The following BRIP1 variants were observed in gnomAD, a reference collection of about 807,000 sequenced individuals.
BRIP1 encodes the protein BRCA1 interacting DNA helicase 1, also known as Fanconi anemia group J protein.
BRIP1 carries 88 observed loss-of-function variants against 119.7 expected under a neutral mutation model. The observed-to-expected ratio is 0.74, with a 90% CI of 0.62 to 0.88. BRIP1 has a LOEUF of 0.88. BRIP1 is among the 40% of genes least tolerant of loss of function. The pLI, the probability that BRIP1 is intolerant of heterozygous loss-of-function variation, is 0.00. For missense variants in BRIP1, 1,259 were observed against 1,455.4 expected, an observed-to-expected ratio of 0.87 and a Z score of 2.20; for synonymous variants, 443 against 496.5, an observed-to-expected ratio of 0.89 and a Z score of 1.43.
Position 61,684,273 on chromosome 17 carries a change from T to C in BRIP1, c.2906-133A>G. 1 of 1,001,786 alleles carries C rather than the reference T, an allele frequency of 1.0e-6. No homozygotes were observed. Among genetic ancestry groups the C allele is most frequent in the Non-Finnish European group, 1.4e-6 (1 of 699,074 alleles). 62.1% of individuals were successfully genotyped at this position (1,001,786 alleles called of 1,614,324 possible). A position where few individuals can be genotyped will look rare whatever the true frequency, so the allele number is the denominator to read the frequency against. On this transcript the variant is annotated intron_variant, in intron 19 of 19. Coordinates refer to ENST00000259008, the MANE Select transcript of BRIP1 (RefSeq NM_032043.3). This position sits in a 1 kb window ranked among gnomAD's most constrained non-coding sequence, Gnocchi z 4.5. ...ATAACTTAGAGCCCCCAACGAATACTAGTGGATTTTCATCTTGGAACAGAA... is the reference window on the plus strand; with the variant it reads ...ATAACTTAGAGCCCCCAACGAATACCAGTGGATTTTCATCTTGGAACAGAA...
chr17:61,712,457 A>G (rs28532895), intron 17 of BRIP1, among the ~76,000 whole-genome samples: 66,965 of 151,260 alleles, frequency 0.44, 15,507 homozygotes, highest in South Asian at 0.54. Flanking sequence ...CAGGTGATCC[A>G]CCCGCCTCCA....
In BRIP1 at chr17:61,774,437, G is replaced by T. The variant is rs2077503917; in HGVS notation, c.2097+1964C>A. Among the ~76,000 whole-genome samples the T allele has an allele frequency of 6.6e-6, 1 of 152,160 alleles. No individual in the cohort carries two copies. Among genetic ancestry groups the T allele is most frequent in the South Asian group, 2.1e-4 (1 of 4,834 alleles). ...ACATCACACACTGGGGCCTGTTCTG[G>T]GGTGGGGGCCTAGGGGAGGGATAGC... is the stretch of plus-strand genomic sequence containing the variant. On this transcript the variant is annotated intron_variant, in intron 14 of 19. Transcript: ENST00000259008. This position sits in a 1 kb window ranked among gnomAD's most constrained non-coding sequence, Gnocchi z 5.8.
chr17:61,761,659 C>A lies in BRIP1; in HGVS notation c.2097+14742G>T, dbSNP rs2077278516. Reference sequence around the variant, plus strand: ...AAAGAAATTAAGAGAACTCCTTTTACAATAGCTACCAAAAAGAGAGAGAAA... The same window carrying A: ...AAAGAAATTAAGAGAACTCCTTTTAAAATAGCTACCAAAAAGAGAGAGAAA... On this transcript the variant is annotated intron_variant, in intron 14 of 19. Coordinates refer to ENST00000259008, the MANE Select transcript of BRIP1 (RefSeq NM_032043.3). This position sits in a 1 kb window ranked among gnomAD's most constrained non-coding sequence, Gnocchi z 6.4. 6.6e-6 allele frequency among the ~76,000 whole-genome samples: 1 copy of A among 151,684 alleles called. No individual in the cohort carries two copies. The highest frequency in any genetic ancestry group is 6.6e-5 in the Admixed American group (1 of 15,180).
In BRIP1 at chr17:61,776,197, T is replaced by C; in HGVS notation, c.2097+204A>G. 2 of 599,586 alleles carry C rather than the reference T, an allele frequency of 3.3e-6. No individual in the cohort carries two copies. The highest frequency in any genetic ancestry group is 5.7e-6 in the Non-Finnish European group (2 of 353,282). 37.1% of individuals were successfully genotyped at this position (599,586 alleles called of 1,614,324 possible). On this transcript the variant is annotated intron_variant, in intron 14 of 19. Coordinates refer to ENST00000259008, the MANE Select transcript of BRIP1 (RefSeq NM_032043.3). The surrounding 1 kb of genome is among the most constrained non-coding windows in gnomAD (Gnocchi z 5.0). Reference sequence around the variant, plus strand: ...ACGTCCAGCCTTGCTCTTTCAGACTTTTAAGTAAAACAGAGGTAGGACAAT... The same window carrying C: ...ACGTCCAGCCTTGCTCTTTCAGACTCTTAAGTAAAACAGAGGTAGGACAAT...
rs769903933 is a variant in BRIP1, at chr17:61,810,451, A to T, written c.628-1694T>A. Among the ~76,000 whole-genome samples, 19 of 152,202 alleles carry T rather than the reference A, an allele frequency of 1.2e-4. No individual in the cohort carries two copies. The highest frequency in any genetic ancestry group is 1.9e-4 in the Non-Finnish European group (13 of 68,032). ...CATACAAAAAGAATTAAGGTAACTC[A>T]ATTAGAATTAATTTACTTTTTCATA... On this transcript the variant is annotated intron_variant, in intron 6 of 19. Transcript: ENST00000259008. The surrounding 1 kb of genome is among the most constrained non-coding windows in gnomAD (Gnocchi z 4.7).
chr17:61,715,578 G>A (rs2061847239), intron 17 of BRIP1, among the ~76,000 whole-genome samples: 1 of 152,088 alleles, frequency 6.6e-6, no homozygotes, highest in Non-Finnish European at 1.5e-5. Flanking sequence ...GACATTTTGG[G>A]GGAGGTGAGG....
At position 61,793,254 on chromosome 17, in the gene BRIP1, A is replaced by G. The variant is rs1457505949; in HGVS notation, c.1473+343T>C. ...GTTTATAATTTCTAAATTAAGATGAACAAAATAGGAATTTCTCCTCTTTTT... is the reference window on the plus strand; with the variant it reads ...GTTTATAATTTCTAAATTAAGATGAGCAAAATAGGAATTTCTCCTCTTTTT... On this transcript the variant is annotated intron_variant, in intron 10 of 19. Transcript: ENST00000259008. The surrounding 1 kb of genome is among the most constrained non-coding windows in gnomAD (Gnocchi z 5.2). Among the ~76,000 whole-genome samples the G allele has an allele frequency of 6.6e-6, 1 of 152,054 alleles. No individual in the cohort carries two copies. Among genetic ancestry groups the G allele is most frequent in the Non-Finnish European group, 1.5e-5 (1 of 67,988 alleles).
Position 61,827,622 on chromosome 17 carries a change from G to A in BRIP1, c.628-18865C>T, listed in dbSNP as rs1177917407. On this transcript the variant is annotated intron_variant, in intron 6 of 19. Coordinates refer to ENST00000259008, the MANE Select transcript of BRIP1 (RefSeq NM_032043.3). The surrounding 1 kb of genome is among the most constrained non-coding windows in gnomAD (Gnocchi z 5.8). ...CACACACCTGTAATCCCAGCTATTC[G>A]GGAGGCTGAGGTGGGAGGACTGCTT... is the stretch of plus-strand genomic sequence containing the variant. Among the ~76,000 whole-genome samples the A allele has an allele frequency of 2.0e-5, 3 of 152,058 alleles. No homozygotes were observed. The highest frequency in any genetic ancestry group is 1.3e-4 in the Admixed American group (2 of 15,266).
chr17:61,722,926 A>C lies in BRIP1; in HGVS notation c.2380-6863T>G, dbSNP rs1007661556. ...TTTATTTTAGATAAAAAGTTTAAAA[A>C]CCTACAAAAGAACAAAAAACTCCCA... On this transcript the variant is annotated intron_variant, in intron 16 of 19. Transcript: ENST00000259008. The surrounding 1 kb of genome is among the most constrained non-coding windows in gnomAD (Gnocchi z 4.6). 6.6e-6 allele frequency among the ~76,000 whole-genome samples: 1 copy of C among 152,196 alleles called. No homozygotes were observed. Among genetic ancestry groups the C allele is most frequent in the Admixed American group, 6.5e-5 (1 of 15,280 alleles).
rs1360062759 is a variant in BRIP1 at position 61,852,023 on chromosome 17, T to C, written c.380-2767A>G. ...AAGGGAGAGCTCCTACAACAAAGAG[T>C]TATCCCACTCAAAATGTTAATAGTG... On this transcript the variant is annotated intron_variant, in intron 4 of 19. Transcript: ENST00000259008. This position sits in a 1 kb window ranked among gnomAD's most constrained non-coding sequence, Gnocchi z 4.9. Among the ~76,000 whole-genome samples the C allele has an allele frequency of 1.3e-5, 2 of 151,982 alleles. 1 individual carries two copies. The highest frequency in any genetic ancestry group is 3.9e-4 in the East Asian group (2 of 5,172).
chr17:61,829,263 C>T (rs2078453938), intron 6 of BRIP1, among the ~76,000 whole-genome samples: 1 of 151,940 alleles, frequency 6.6e-6, no homozygotes, highest in South Asian at 2.1e-4. Flanking sequence ...ACTATGGAAA[C>T]ATTAATCCTA....
chr17:61,821,182 T>C (rs2078318254), intron 6 of BRIP1, among the ~76,000 whole-genome samples: 1 of 152,130 alleles, frequency 6.6e-6, no homozygotes, highest in Non-Finnish European at 1.5e-5. Flanking sequence ...AGTTACATCC[T>C]ATGCAAAGGA....
Position 61,849,240 on chromosome 17 carries a change from G to C in BRIP1, c.396C>G (p.Thr132=), listed in dbSNP as rs2145766215. The C allele has an allele frequency of 6.2e-7, 1 of 1,612,664 alleles. No homozygotes were observed. The highest frequency in any genetic ancestry group is 1.7e-5 in the Admixed American group (1 of 59,948). The change falls in exon 5 of 20, where the codon ACC becomes ACG. Residue 132 remains threonine (T), a synonymous_variant. Transcript: ENST00000259008. ...TAGCAGATAACTTTGCAGCCAGAGT[G>C]GTTTTTTCAGGGGAGTCTTATATAA... is the stretch of plus-strand genomic sequence containing the variant. ...SSTCQDSPEK[T]TLAAKLSAKK... is the part of the protein sequence containing the mutation.
At position 61,752,349 on chromosome 17, in the gene BRIP1, C is replaced by A. The variant is rs935339727; in HGVS notation, c.2098-7758G>T. Among the ~76,000 whole-genome samples, 4 of 151,938 alleles carry A rather than the reference C, an allele frequency of 2.6e-5. No individual in the cohort carries two copies. Among genetic ancestry groups the A allele is most frequent in the Admixed American group, 2.0e-4 (3 of 15,258 alleles). On this transcript the variant is annotated intron_variant, in intron 14 of 19. Transcript: ENST00000259008. The surrounding 1 kb of genome is among the most constrained non-coding windows in gnomAD (Gnocchi z 6.2). ...AAAGAGTTAAGAAAAAAAATGCAAACCTTGAGAATAAGATAAAAAAGAAAC... is the reference window on the plus strand; with the variant it reads ...AAAGAGTTAAGAAAAAAAATGCAAAACTTGAGAATAAGATAAAAAAGAAAC...
chr17:61,745,493 T>C lies in BRIP1; in HGVS notation c.2098-902A>G, dbSNP rs572601178. Among the ~76,000 whole-genome samples the C allele has an allele frequency of 1.7e-4, 26 of 152,224 alleles. No homozygotes were observed. The highest frequency in any genetic ancestry group is 5.8e-4 in the African/African-American group (24 of 41,570). On this transcript the variant is annotated intron_variant, in intron 14 of 19. Coordinates refer to ENST00000259008, the MANE Select transcript of BRIP1 (RefSeq NM_032043.3). The surrounding 1 kb of genome is among the most constrained non-coding windows in gnomAD (Gnocchi z 4.4). ...AGGCAATCCCTCCACCTTAGCCTCC[T>C]GAGTAGCTGGGACTACAGGTGCATG...
At position 61,680,368 on chromosome 17, in the gene BRIP1, ATATC is replaced by A. The variant is rs1289043792; in HGVS notation, c.*2924_*2927del. 7.3e-5 allele frequency among the ~76,000 whole-genome samples: 11 copies of A among 151,680 alleles called. No individual in the cohort carries two copies. The highest frequency in any genetic ancestry group is 2.4e-4 in the African/African-American group (10 of 41,312). ...CTGTCTAAAACAAACAAACAAAAAC[ATATC>A]TAGCTAGGGAAAGGGGAAAGTATTG... On this transcript the variant is annotated 3_prime_UTR_variant, in exon 20 of 20. Transcript: ENST00000259008.
rs2077215072 is a variant in BRIP1, at chr17:61,757,417, G to GT, written c.2098-12827dup. ...AGACAAATACTGCCCTAAAGTGAAA[G>GT]TAAGACCTCTGTTGGCAATCTAACT... On this transcript the variant is annotated intron_variant, in intron 14 of 19. Coordinates refer to ENST00000259008, the MANE Select transcript of BRIP1 (RefSeq NM_032043.3). This position sits in a 1 kb window ranked among gnomAD's most constrained non-coding sequence, Gnocchi z 4.3. 6.6e-6 allele frequency among the ~76,000 whole-genome samples: 1 copy of GT among 152,116 alleles called. No homozygotes were observed. The highest frequency in any genetic ancestry group is 1.5e-5 in the Non-Finnish European group (1 of 68,012).
rs2144672233 is a variant in BRIP1, at chr17:61,742,909, G to T, written c.2379+104C>A. 1 of 1,429,078 alleles carries T rather than the reference G, an allele frequency of 7.0e-7. No individual in the cohort carries two copies. Among genetic ancestry groups the T allele is most frequent in the Non-Finnish European group, 9.8e-7 (1 of 1,019,622 alleles). 88.5% of individuals were successfully genotyped at this position (1,429,078 alleles called of 1,614,324 possible). On this transcript the variant is annotated intron_variant, in intron 16 of 19. Transcript: ENST00000259008. This position sits in a 1 kb window ranked among gnomAD's most constrained non-coding sequence, Gnocchi z 4.7. ...CCATAAACCTTCAATTTGTAAAAAA[G>T]CACTATAAAAGCAAAGCGCAATAAA... is the stretch of plus-strand genomic sequence containing the variant.
In BRIP1 at chr17:61,730,434, G is replaced by T. The variant is rs1224141797; in HGVS notation, c.2379+12579C>A. Among the ~76,000 whole-genome samples, 2 of 152,116 alleles carry T rather than the reference G, an allele frequency of 1.3e-5. No homozygotes were observed. Among genetic ancestry groups the T allele is most frequent in the Non-Finnish European group, 2.9e-5 (2 of 68,026 alleles). ...AAAACAATCCCACCACTGCCCTTAA[G>T]GTAGAGCTGCTGATTATGCTCCATG... On this transcript the variant is annotated intron_variant, in intron 16 of 19. Transcript: ENST00000259008. The surrounding 1 kb of genome is among the most constrained non-coding windows in gnomAD (Gnocchi z 4.3).
Sources: gnomAD v4.1 joint callset for allele counts (sites outside exome capture counted in the v4.1 genomes callset) on GRCh38, gnomAD v4.1.1 for gene constraint, Gnocchi (gnomAD v3.1) non-coding constraint, MANE v1.5 for transcripts, NCBI Gene and HGNC (gene_info 2026-07-23, HGNC 2026-07-21) for gene names.